EPS15L1: variants seen among roughly 807,000 people sequenced by gnomAD.
The protein encoded by EPS15L1 is epidermal growth factor receptor substrate 15-like 1.
Under a neutral mutation model 117.1 loss-of-function variants are expected in EPS15L1, and 43 were observed. The observed-to-expected ratio is 0.37, with a 90% CI of 0.29 to 0.47. The LOEUF (loss-of-function observed/expected upper bound fraction) is 0.47, where lower values mean the gene tolerates loss of function less well. Ranked by LOEUF, EPS15L1 falls within the 20% of genes least tolerant of loss-of-function variation. The pLI is 0.99. For synonymous variants in EPS15L1, 459 were observed against 470.5 expected (o/e 0.98, Z 0.32); for missense variants, 981 against 1,164.0 (o/e 0.84, Z 2.29).
chr19:16,466,970 T>C (rs2093310701), intron 1 of EPS15L1, among the ~76,000 whole-genome samples: 1 of 151,042 alleles, frequency 6.6e-6, no homozygotes, highest in Non-Finnish European at 1.5e-5. Flanking sequence ...GACACTCTAC[T>C]GTGACAAAGC....
intron 22 of EPS15L1, among the ~76,000 whole-genome samples, chr19:16,375,181 C>T (rs1020598947): frequency 2.0e-5 from 3 of 152,170 alleles, no homozygotes; most frequent in South Asian, 4.1e-4. Context: ...TGGGAGAGTG[C>T]GTGTGTGCCT....
chr19:16,359,167 T>C (rs2092020347), intron 23 of EPS15L1, among the ~76,000 whole-genome samples: 2 of 152,266 alleles, frequency 1.3e-5, no homozygotes, highest in South Asian at 4.1e-4. Context: ...TGAACAGCAG[T>C]CTCAGAACGT....
chr19:16,413,781 C>T lies in EPS15L1; in HGVS notation c.1258G>A (p.Glu420Lys), dbSNP rs1487395710. Residue 420 changes from glutamate (E) to lysine (K), a missense_variant, in exon 13 of 24, where the codon GAG becomes AAG. Glu to Lys is a moderately conservative substitution (Grantham distance 56, BLOSUM62 1). Transcript: ENST00000455140. ...ACGAACGAGACCCTTACCTGCACCT[C>T]GCTGGTTTTCTGTCTGATTGCCTCT... ...KEEAIRQKTS[E>K]VQELQNDLDR... 4 of 1,613,786 alleles carry T rather than the reference C, an allele frequency of 2.5e-6. No individual in the cohort carries two copies. Among genetic ancestry groups the T allele is most frequent in the Non-Finnish European group, 3.4e-6 (4 of 1,179,658 alleles).
intron 21 of EPS15L1, among the ~76,000 whole-genome samples, chr19:16,380,887 T>TA (rs2092354069): frequency 6.6e-6 from 1 of 152,212 alleles, no homozygotes; most frequent in South Asian, 2.1e-4. Flanking sequence ...CGATCTGGGC[T>TA]ATTTGCGTCC....
intron 16 of EPS15L1, among the ~76,000 whole-genome samples, chr19:16,395,926 T>G (rs539705061): frequency 1.1e-5 from 1 of 92,216 alleles, no homozygotes; most frequent in Admixed American, 1.0e-4. Context: ...GCCTGGGCGA[T>G]AGAGTGAGTC....
chr19:16,373,268 C>T (rs1289445375), intron 22 of EPS15L1, among the ~76,000 whole-genome samples: 3 of 152,262 alleles, frequency 2.0e-5, no homozygotes, highest in African/African-American at 7.2e-5. Flanking sequence ...CACTCAGCCA[C>T]GCTGGGACCC....
At chr19:16,388,406 A>G (rs569983179) in intron 19 of EPS15L1, among the ~76,000 whole-genome samples, 53 of 152,348 alleles carry the variant, frequency 3.5e-4, no homozygotes, top group African/African-American at 1.2e-3. Context: ...AAGCCTAAAC[A>G]GTATAAACAC....
intron 23 of EPS15L1, among the ~76,000 whole-genome samples, chr19:16,358,661 C>T (rs1047289397): frequency 1.3e-5 from 2 of 152,234 alleles, no homozygotes; most frequent in African/African-American, 2.4e-5. Flanking sequence ...CAGCTCGGCA[C>T]GCTGGGCGAT....
chr19:16,459,871 T>C (rs895183056), intron 1 of EPS15L1, among the ~76,000 whole-genome samples: 5 of 152,176 alleles, frequency 3.3e-5, no homozygotes, highest in African/African-American at 1.2e-4. Flanking sequence ...TGCCAATTGA[T>C]CTTTGCCAAG....
chr19:16,425,723 T>C (rs550062003), intron 8 of EPS15L1, among the ~76,000 whole-genome samples: 1 of 152,254 alleles, frequency 6.6e-6, no homozygotes, highest in Non-Finnish European at 1.5e-5. Flanking sequence ...GAGGATTGCC[T>C]GAGCCCAGGA....
In EPS15L1 at chr19:16,441,991, G is replaced by A; in HGVS notation, c.76-10C>T. On this transcript the variant is annotated splice_polypyrimidine_tract_variant and intron_variant, in intron 2 of 23. Coordinates refer to ENST00000455140, the MANE Select transcript of EPS15L1 (RefSeq NM_001258374.3). ...TGTATGCCGGATCGACCTGAAATGG[G>A]AGACCAAGAGGCAAAATAACTTTTC... 3.7e-6 allele frequency: 6 copies of A among 1,607,424 alleles called. No individual in the cohort carries two copies. The highest frequency in any genetic ancestry group is 5.1e-6 in the Non-Finnish European group (6 of 1,176,860).
intron 6 of EPS15L1, among the ~76,000 whole-genome samples, chr19:16,435,704 C>G (rs1001405897): frequency 6.6e-6 from 1 of 151,950 alleles, no homozygotes; most frequent in African/African-American, 2.4e-5. Context: ...GACTCAGTGC[C>G]TTCAGAAGCC....
At chr19:16,356,317 CTTT>C (rs968250132) in intron 23 of EPS15L1, 8 of 150,090 alleles carry the variant, frequency 5.3e-5, no homozygotes, top group South Asian at 1.9e-4. Flanking sequence ...TTTTCTTTTT[CTTT>C]TTTTTTTTTT....
At chr19:16,464,729 T>TACACTAACATTA (rs1555772280) in intron 1 of EPS15L1, among the ~76,000 whole-genome samples, 3 of 148,518 alleles carry the variant, frequency 2.0e-5, no homozygotes, top group Non-Finnish European at 4.5e-5. Flanking sequence ...ACACATAAAA[T>TACACTAACATTA]ACACTAACAC....
intron 10 of EPS15L1, among the ~76,000 whole-genome samples, chr19:16,419,331 C>T (rs909079694): frequency 1.3e-5 from 2 of 152,100 alleles, no homozygotes; most frequent in African/African-American, 2.4e-5. Context: ...TGGTGGCGCG[C>T]GCCTGTAATC....
chr19:16,413,930 C>G (rs1265401454), intron 12 of EPS15L1, 85 bp from the exon 13 acceptor site: 1 of 994,656 alleles, frequency 1.0e-6, no homozygotes, highest in East Asian at 2.5e-5. Flanking sequence ...TTCACCCCCA[C>G]AAAAGCCCCT....
intron 12 of EPS15L1, among the ~76,000 whole-genome samples, chr19:16,414,398 AACT>A (rs1349184452): frequency 4.6e-5 from 7 of 151,942 alleles, no homozygotes; most frequent in Admixed American, 3.9e-4. Context: ...AGCCTGTCTG[AACT>A]ACTACTTTTT....
At chr19:16,394,251 C>T (rs1207790445) in intron 17 of EPS15L1, among the ~76,000 whole-genome samples, 1 of 152,154 alleles carries the variant, frequency 6.6e-6, no homozygotes, top group East Asian at 1.9e-4. Context: ...TGCTGGCTGT[C>T]CCACACAGAC....
At chr19:16,436,362 A>ACAGCCCTCGTTTTTTTTCTT (rs1474171146) in intron 6 of EPS15L1, among the ~76,000 whole-genome samples, 18 of 152,220 alleles carry the variant, frequency 1.2e-4, no homozygotes, top group Non-Finnish European at 2.1e-4. Context: ...TACTTAGAAG[A>ACAGCCCTCGTTTTTTTTCTT]CAGCCCTCGT....
Sources: gnomAD v4.1 joint callset for allele counts (sites outside exome capture counted in the v4.1 genomes callset) on GRCh38, gnomAD v4.1.1 for gene constraint, MANE v1.5 for transcripts, NCBI Gene and HGNC (gene_info 2026-07-23, HGNC 2026-07-21) for gene names.